CPZ: variants seen among roughly 807,000 people sequenced by gnomAD.
The protein encoded by CPZ is carboxypeptidase Z.
A neutral mutation model predicts 61.8 loss-of-function variants in CPZ; 103 were observed. The ratio of observed to expected loss-of-function variants is 1.67; its 90% CI spans 1.42 to 1.96. The LOEUF (loss-of-function observed/expected upper bound fraction) is 1.96, where lower values mean the gene tolerates loss of function less well. CPZ is among the 30% of genes most tolerant of loss of function. The pLI, the probability that CPZ is intolerant of heterozygous loss-of-function variation, is 0.00. For synonymous variants in CPZ, 551 were observed against 373.7 expected (o/e 1.47, Z -5.47); for missense variants, 1,461 against 914.9 (o/e 1.60, Z -7.70).
Position 8,607,247 on chromosome 4 carries a change from G to A in CPZ, c.1069-20G>A, listed in dbSNP as rs1224044239. 11 of 1,611,596 alleles carry A rather than the reference G, an allele frequency of 6.8e-6. No individual in the cohort carries two copies. The highest frequency in any genetic ancestry group is 9.3e-6 in the Non-Finnish European group (11 of 1,178,336). On this transcript the variant is annotated intron_variant, in intron 6 of 10. Transcript: ENST00000360986. ...GTGGGAAAGCCCAGCCCTGAGGGCG[G>A]CCTCGTCTGTCCTGGGCAGGTGGCC...
chr4:8,600,906 G>C, intron 2 of CPZ: 1 of 1,276,734 alleles, frequency 7.8e-7, no homozygotes. Context: ...TGGCTTGCTG[G>C]TGGGTAGTTG....
rs1713886348 is a variant in CPZ at position 8,592,841 on chromosome 4, CCCCGCT to C, written c.9_14del (p.Pro6_Leu7del). ...AAGGTCCGCCGCCCCACCATGCCGC[CCCCGCT>C]GCCGCTGCTGCTCCTTACAGTCCTG... On this transcript the variant is annotated inframe_deletion, in exon 1 of 11. Transcript: ENST00000360986. The C allele has an allele frequency of 4.1e-5, 60 of 1,478,812 alleles. No homozygotes were observed. The highest frequency in any genetic ancestry group is 3.4e-4 in the South Asian group (26 of 77,330). The allele number at this position is 1,478,812 out of a possible 1,614,324, so 91.6% of individuals were successfully genotyped here. A position where few individuals can be genotyped will look rare whatever the true frequency, so the allele number is the denominator to read the frequency against.
At chr4:8,610,010 A>C (rs1315600280) in intron 7 of CPZ, among the ~76,000 whole-genome samples, 1 of 152,114 alleles carries the variant, frequency 6.6e-6, no homozygotes, top group Non-Finnish European at 1.5e-5. Flanking sequence ...GCTGCTCCAC[A>C]CGTGCCCCTT....
chr4:8,605,185 A>G (rs1234590462), intron 4 of CPZ, among the ~76,000 whole-genome samples: 1 of 152,204 alleles, frequency 6.6e-6, no homozygotes. Context: ...TGGGCCACAC[A>G]CAGCTGGGGA....
Position 8,619,175 on chromosome 4 carries a change from C to T in CPZ, c.1604-87C>T, listed in dbSNP as rs1175135191. 6 of 1,211,268 alleles carry T rather than the reference C, an allele frequency of 5.0e-6. No homozygotes were observed. The Admixed American group carries it at 1.5e-4, about 30-fold the overall frequency. The allele number at this position is 1,211,268 out of a possible 1,614,324, so 75.0% of individuals were successfully genotyped here. On this transcript the variant is annotated intron_variant, in intron 10 of 10. Transcript: ENST00000360986. ...ATTTGGCGCCTGCCTCCCATGCTAA[C>T]CTCTCCCCACTCATATCCATCACCC... is the stretch of plus-strand genomic sequence containing the variant.
rs146728091 is a variant in CPZ, at chr4:8,614,940, AG to A, written c.1503+446del. 0.014 allele frequency among the ~76,000 whole-genome samples: 2,054 copies of A among 152,104 alleles called. 160 individuals are homozygous for A. The East Asian group carries it at 0.24, about 18-fold the overall frequency. Reference sequence around the variant, plus strand: ...CAGAGGGGAGCATGCTAGAACCCCAAGGGGACATCAAAACCCTCGAGAGCCG... The same window carrying A: ...CAGAGGGGAGCATGCTAGAACCCCAAGGGACATCAAAACCCTCGAGAGCCG... On this transcript the variant is annotated intron_variant, in intron 9 of 10. Coordinates refer to ENST00000360986, the MANE Select transcript of CPZ (RefSeq NM_001014447.3).
At chr4:8,603,569 C>A (rs775189001) in intron 3 of CPZ, 2 of 206,932 alleles carry the variant, frequency 9.7e-6, no homozygotes, top group Non-Finnish European at 1.9e-5. Flanking sequence ...GCAAATGAAG[C>A]AGAATACTGA....
At chr4:8,608,665 C>G (rs561718680) in intron 7 of CPZ, among the ~76,000 whole-genome samples, 4 of 13,572 alleles carry the variant, frequency 2.9e-4, no homozygotes, top group African/African-American at 9.0e-4. Flanking sequence ...CATGCATGTG[C>G]ACACGTGCAT....
At chr4:8,618,877 G>A (rs763372964) in intron 10 of CPZ, among the ~76,000 whole-genome samples, 2 of 152,186 alleles carry the variant, frequency 1.3e-5, no homozygotes, top group Non-Finnish European at 2.9e-5. Flanking sequence ...GATAGCTGGG[G>A]TGTCCAGCCC....
At chr4:8,606,591 G>C (rs1715027949) in intron 5 of CPZ, 146 bp from the exon 6 acceptor site, 4 of 1,034,882 alleles carry the variant, frequency 3.9e-6, no homozygotes, top group Non-Finnish European at 5.8e-6. Flanking sequence ...GAGGCCAAGG[G>C]TCAGGCATGC....
intron 9 of CPZ, among the ~76,000 whole-genome samples, chr4:8,615,301 T>C (rs1398443633): frequency 1.3e-5 from 2 of 152,146 alleles, no homozygotes; most frequent in Non-Finnish European, 2.9e-5. Context: ...GTGGGGACTC[T>C]GTGCCCATGT....
intron 9 of CPZ, among the ~76,000 whole-genome samples, chr4:8,615,863 GGAAA>G (rs1418454609): frequency 3.3e-5 from 5 of 152,238 alleles, no homozygotes; most frequent in Non-Finnish European, 7.3e-5. Context: ...CGCTGAGATA[GGAAA>G]GAAACAAAGC....
At chr4:8,608,469 G>A (rs1456255380) in intron 7 of CPZ, among the ~76,000 whole-genome samples, 2 of 152,210 alleles carry the variant, frequency 1.3e-5, no homozygotes, top group East Asian at 1.9e-4. Flanking sequence ...GCCCCTGGTT[G>A]GCACTCAGGT....
intron 10 of CPZ, among the ~76,000 whole-genome samples, 187 bp from the exon 11 acceptor site, chr4:8,619,075 T>C (rs991610836): frequency 1.3e-5 from 2 of 151,970 alleles, no homozygotes; most frequent in African/African-American, 4.8e-5. Context: ...AAGCAGGGTT[T>C]TGAGGTATAA....
chr4:8,608,287 C>T (rs568206745), intron 7 of CPZ, among the ~76,000 whole-genome samples: 1 of 152,180 alleles, frequency 6.6e-6, no homozygotes, highest in Admixed American at 6.5e-5. Flanking sequence ...CGTGGAGAGC[C>T]AGGCCTGCCC....
intron 7 of CPZ, among the ~76,000 whole-genome samples, chr4:8,609,187 TTC>T (rs1715379652): frequency 9.0e-6 from 1 of 110,510 alleles, no homozygotes; most frequent in African/African-American, 3.7e-5. Context: ...CACTCAGGCA[TTC>T]ACTCACTCCC....
intron 7 of CPZ, among the ~76,000 whole-genome samples, chr4:8,609,549 C>T (rs139299195): frequency 2.2e-5 from 3 of 138,514 alleles, no homozygotes; most frequent in East Asian, 3.9e-4. Context: ...CACTTCTGGC[C>T]TGGCCTTGCA....
chr4:8,612,140 G>A lies in CPZ; in HGVS notation c.1341G>A (p.Ala447=), dbSNP rs2302573. The A allele has an allele frequency of 0.016, 24,810 of 1,578,294 alleles. 1,506 individuals carry two copies. In the East Asian group the frequency reaches 0.23, roughly 15 times the overall value. Residue 447 remains alanine, a synonymous_variant, in exon 8 of 11, where the codon GCG becomes GCA. Coordinates refer to ENST00000360986, the MANE Select transcript of CPZ (RefSeq NM_001014447.3). ...FLKRGSIING[A]DWYSFTGGMS... ...AGAGGGGGAGCATCATCAACGGGGC[G>A]GACTGGTACAGCTTCACGGGAGGTG...
Position 8,606,804 on chromosome 4 carries a change from T to G in CPZ, c.974T>G (p.Phe325Cys), listed in dbSNP as rs767594301. Residue 325 changes from phenylalanine (F) to cysteine (C), a missense_variant, in exon 6 of 11, where the codon TTC becomes TGC. Phe to Cys is a radical substitution (Grantham distance 205). Coordinates refer to ENST00000360986, the MANE Select transcript of CPZ (RefSeq NM_001014447.3). ...NAQNLDLNRN[F>C]PDLTSEYYRL... ...CAGAACCTGGATCTGAACCGAAATTTCCCGGACCTGACGTCCGAGTACTAC... is the reference window on the plus strand; with the variant it reads ...CAGAACCTGGATCTGAACCGAAATTGCCCGGACCTGACGTCCGAGTACTAC... The G allele has an allele frequency of 6.2e-7, 1 of 1,614,108 alleles. No homozygotes were observed. The highest frequency in any genetic ancestry group is 8.5e-7 in the Non-Finnish European group (1 of 1,180,018).
Sources: gnomAD v4.1 joint callset for allele counts (sites outside exome capture counted in the v4.1 genomes callset) on GRCh38, gnomAD v4.1.1 for gene constraint, MANE v1.5 for transcripts, NCBI Gene and HGNC (gene_info 2026-07-23, HGNC 2026-07-21) for gene names.